The following LIN52 variants were observed in gnomAD, a reference collection of about 807,000 sequenced individuals.
LIN52 encodes the protein protein lin-52 homolog.
Under a neutral mutation model 18.5 loss-of-function variants are expected in LIN52, and 4 were observed. That is an observed-to-expected ratio of 0.22 (90% CI 0.11 to 0.49). LIN52 has a LOEUF of 0.49. Among genes scored for constraint, LIN52 ranks in the 20% least tolerant of loss-of-function variants. The pLI is 0.97. For missense variants in LIN52, 102 were observed against 139.5 expected (o/e 0.73, Z 1.35); for synonymous variants, 34 against 45.5 (o/e 0.75, Z 1.02).
At position 74,101,184 on chromosome 14, in the gene LIN52, A is replaced by G. The variant is rs2060851767; in HGVS notation, c.229A>G (p.Met77Val). ...GGGGAGTCTCACCACGGCTAATTTG[A>G]TGGAGAAGGTTCGAGGCCTACAGAA... ...ELGSLTTANLMEKVRGLQNLA... is the reference protein window; with the variant it reads ...ELGSLTTANLVEKVRGLQNLA... The change falls in exon 5 of 6, where the codon ATG becomes GTG. Residue 77 changes from methionine to valine, a missense_variant. Met to Val is a conservative substitution (Grantham distance 21, BLOSUM62 1). Coordinates refer to ENST00000555028, the MANE Select transcript of LIN52 (RefSeq NM_001024674.3). 6.2e-7 allele frequency: 1 copy of G among 1,611,298 alleles called. No homozygotes were observed. The highest frequency in any genetic ancestry group is 1.7e-5 in the Admixed American group (1 of 59,116).
rs572646289 is a variant in LIN52, at chr14:74,094,346, A to T, written c.95-1602A>T. ...GTGATCACAGCTGACTGCAGCCTCA[A>T]CCTCCTGGGCTCAAGTGATCCTCTC... is the stretch of plus-strand genomic sequence containing the variant. On this transcript the variant is annotated intron_variant, in intron 2 of 5. Transcript: ENST00000555028. Among the ~76,000 whole-genome samples the T allele has an allele frequency of 5.9e-5, 9 of 151,534 alleles. No homozygotes were observed. The East Asian group carries it at 1.7e-3, about 29-fold the overall frequency.
intron 5 of LIN52, among the ~76,000 whole-genome samples, chr14:74,145,416 C>T (rs2061149341): frequency 6.6e-6 from 1 of 152,218 alleles, no homozygotes; most frequent in Non-Finnish European, 1.5e-5. Flanking sequence ...ACACTGCCTT[C>T]TTCCTTACAG....
chr14:74,107,039 G>T (rs1274298296), intron 5 of LIN52, among the ~76,000 whole-genome samples: 1 of 152,212 alleles, frequency 6.6e-6, no homozygotes, highest in East Asian at 1.9e-4. Context: ...GATTACTCTA[G>T]CCTTCTTACA....
intron 5 of LIN52, among the ~76,000 whole-genome samples, chr14:74,150,446 C>T (rs1329557368): frequency 2.6e-5 from 4 of 152,100 alleles, no homozygotes; most frequent in African/African-American, 9.7e-5. Context: ...TTATATTGTA[C>T]AGTTTCATTT....
chr14:74,153,545 A>T (rs2061186061), intron 5 of LIN52, among the ~76,000 whole-genome samples: 2 of 150,358 alleles, frequency 1.3e-5, no homozygotes, highest in South Asian at 4.2e-4. Flanking sequence ...TTAATGGAAA[A>T]TGATTTTTTT....
At chr14:74,106,764 A>G (rs2139893913) in intron 5 of LIN52, among the ~76,000 whole-genome samples, 1 of 152,128 alleles carries the variant, frequency 6.6e-6, no homozygotes, top group East Asian at 1.9e-4. Context: ...CGTTTTAAAA[A>G]TATTTTTAGC....
chr14:74,194,947 C>T (rs566847318), intron 5 of LIN52, among the ~76,000 whole-genome samples: 1 of 152,276 alleles, frequency 6.6e-6, no homozygotes, highest in East Asian at 1.9e-4. Context: ...GAGTCCGAGA[C>T]CAGCCTGGCC....
chr14:74,161,686 G>A (rs1428534273), intron 5 of LIN52, among the ~76,000 whole-genome samples: 1 of 152,146 alleles, frequency 6.6e-6, no homozygotes, highest in Non-Finnish European at 1.5e-5. Context: ...ACATGGCCAC[G>A]GGAACACTCT....
intron 5 of LIN52, among the ~76,000 whole-genome samples, chr14:74,192,024 T>C (rs1163383022): frequency 6.6e-6 from 1 of 152,210 alleles, no homozygotes; most frequent in African/African-American, 2.4e-5. Context: ...CCGACATTAC[T>C]CCAGCCAGGC....
chr14:74,198,271 G>A (rs2078927137), intron 5 of LIN52, among the ~76,000 whole-genome samples: 1 of 152,134 alleles, frequency 6.6e-6, no homozygotes, highest in African/African-American at 2.4e-5. Context: ...TGTAACTATA[G>A]CATTCAAAGA....
At chr14:74,131,237 G>A (rs963335129) in intron 5 of LIN52, among the ~76,000 whole-genome samples, 15 of 151,912 alleles carry the variant, frequency 9.9e-5, no homozygotes, top group African/African-American at 3.6e-4. Context: ...AAACCCTGGT[G>A]TCAGCTTAGA....
At chr14:74,129,329 G>A (rs779652095) in intron 5 of LIN52, among the ~76,000 whole-genome samples, 2 of 152,146 alleles carry the variant, frequency 1.3e-5, no homozygotes, top group African/African-American at 4.8e-5. Context: ...ATATAAGTAA[G>A]GTTTCTGAGA....
intron 5 of LIN52, among the ~76,000 whole-genome samples, chr14:74,175,741 CACACACACA>C (rs2061290790): frequency 2.1e-5 from 3 of 142,752 alleles, no homozygotes; most frequent in Non-Finnish European, 4.5e-5. Context: ...CACACACACA[CACACACACA>C]CCCCCATTAT....
At chr14:74,173,643 G>A (rs1214020956) in intron 5 of LIN52, among the ~76,000 whole-genome samples, 1 of 152,098 alleles carries the variant, frequency 6.6e-6, no homozygotes, top group Non-Finnish European at 1.5e-5. Flanking sequence ...CCTAGCATGA[G>A]TGGTTAAACA....
At chr14:74,189,175 C>T (rs79466856) in intron 5 of LIN52, among the ~76,000 whole-genome samples, 2,842 of 152,240 alleles carry the variant, frequency 0.019, 90 homozygotes, top group African/African-American at 0.065. Context: ...TCTATCTTAA[C>T]CTTACATGAT....
At chr14:74,167,268 GTT>G (rs1436150637) in intron 5 of LIN52, among the ~76,000 whole-genome samples, 1 of 152,062 alleles carries the variant, frequency 6.6e-6, no homozygotes, top group African/African-American at 2.4e-5. Flanking sequence ...ATGGATTGTT[GTT>G]TGGCTATAGA....
At position 74,198,957 on chromosome 14, in the gene LIN52, C is replaced by T. The variant is rs1302474261; in HGVS notation, c.319C>T (p.Leu107=). 2 of 1,613,102 alleles carry T rather than the reference C, an allele frequency of 1.2e-6. No individual in the cohort carries two copies. The highest frequency in any genetic ancestry group is 1.7e-6 in the Non-Finnish European group (2 of 1,179,282). ...EMTRGKFLNI[L]EKPKK ...GACACGGGGGAAATTCCTCAATATT[C>T]TAGAGAAGCCCAAGAAGTAGCAGCT... Residue 107 remains leucine, a synonymous_variant, in exon 6 of 6, where the codon CTA becomes TTA. Transcript: ENST00000555028.
intron 5 of LIN52, among the ~76,000 whole-genome samples, chr14:74,138,001 C>T (rs779324168): frequency 7.2e-5 from 11 of 152,204 alleles, no homozygotes; most frequent in Non-Finnish European, 1.0e-4. Flanking sequence ...TCTCCAATAA[C>T]TACTCTATTC....
chr14:74,130,278 G>GTTTTTTTTGTTTTTTTTTT (rs2061055134), intron 5 of LIN52, among the ~76,000 whole-genome samples: 2 of 64,842 alleles, frequency 3.1e-5, no homozygotes, highest in Non-Finnish European at 5.6e-5. Context: ...GCATTTTTTG[G>GTTTTTTTTGTTTTTTTTTT]TTTTTTTTTT....
Sources: gnomAD v4.1 joint callset for allele counts (sites outside exome capture counted in the v4.1 genomes callset) on GRCh38, gnomAD v4.1.1 for gene constraint, MANE v1.5 for transcripts, NCBI Gene and HGNC (gene_info 2026-07-23, HGNC 2026-07-21) for gene names.